The following EZH2 variants were observed in gnomAD, a reference collection of about 807,000 sequenced individuals.
EZH2 encodes the protein enhancer of zeste 2 polycomb repressive complex 2 subunit.
In EZH2, 18 loss-of-function variants were observed where a neutral mutation model predicts 98.4. That is an observed-to-expected ratio of 0.18 (90% CI 0.13 to 0.27). The LOEUF (loss-of-function observed/expected upper bound fraction) is 0.27. Ranked by LOEUF, EZH2 falls within the 10% of genes least tolerant of loss-of-function variation. The pLI, the probability that EZH2 is intolerant of heterozygous loss-of-function variation, is 1.00. For synonymous variants in EZH2, 338 were observed against 312.3 expected (o/e 1.08, Z -0.87); for missense variants, 470 against 935.1 (o/e 0.50, Z 6.49).
At chr7:148,811,529 C>T in intron 16 of EZH2, 96 bp downstream of exon 16, 1 of 964,880 alleles carries the variant, frequency 1.0e-6, no homozygotes, top group Non-Finnish European at 1.5e-6. Context: ...AATTCATTTC[C>T]AATCAAACCC....
chr7:148,877,110 G>A (rs902209459), intron 1 of EZH2, among the ~76,000 whole-genome samples: 4 of 151,966 alleles, frequency 2.6e-5, no homozygotes, highest in African/African-American at 7.3e-5. Context: ...AAAAAGCCAT[G>A]TTAGAACCAA....
intron 8 of EZH2, among the ~76,000 whole-genome samples, chr7:148,821,592 A>G (rs1355332917): frequency 6.6e-6 from 1 of 152,190 alleles, no homozygotes; most frequent in Non-Finnish European, 1.5e-5. Context: ...TGGGAGCCCA[A>G]AGTAGGAGCA....
chr7:148,865,169 A>G (rs1055883260), intron 1 of EZH2, among the ~76,000 whole-genome samples: 5 of 152,078 alleles, frequency 3.3e-5, no homozygotes, highest in Non-Finnish European at 5.9e-5. Context: ...GCTATGATAC[A>G]AAATTCATTA....
At chr7:148,832,775 C>T (rs757653087) in intron 3 of EZH2, 25 bp from the exon 4 acceptor site, 2 of 1,437,112 alleles carry the variant, frequency 1.4e-6, no homozygotes, top group South Asian at 2.3e-5. Flanking sequence ...ATAAAATTGA[C>T]TCTTAAGAAT....
intron 3 of EZH2, 67 bp from the exon 4 acceptor site, chr7:148,832,817 T>C (rs1809761028): frequency 1.0e-6 from 1 of 976,608 alleles, no homozygotes; most frequent in Admixed American, 2.2e-5. Context: ...AGCCATCATA[T>C]TGTAAAGAGA....
intron 16 of EZH2, among the ~76,000 whole-genome samples, chr7:148,810,877 C>T (rs1277205624): frequency 2.2e-4 from 20 of 90,438 alleles, no homozygotes; most frequent in Admixed American, 7.2e-4. Flanking sequence ...GCCTGGGCAA[C>T]AAGAGCGAAA....
intron 12 of EZH2, 96 bp downstream of exon 12, chr7:148,816,588 T>C (rs1374650389): frequency 8.4e-6 from 7 of 833,856 alleles, no homozygotes; most frequent in East Asian, 2.5e-5. Flanking sequence ...TTTTTAAAAA[T>C]AGACTAAGTA....
At chr7:148,853,987 A>C (rs780122852) in intron 1 of EZH2, among the ~76,000 whole-genome samples, 12 of 152,244 alleles carry the variant, frequency 7.9e-5, no homozygotes, top group Admixed American at 7.2e-4. Context: ...GCCAGGCCAC[A>C]CAAGTCCAAG....
intron 1 of EZH2, among the ~76,000 whole-genome samples, chr7:148,848,224 G>A (rs1814693620): frequency 6.6e-6 from 1 of 152,166 alleles, no homozygotes; most frequent in Non-Finnish European, 1.5e-5. Context: ...CACTTTTAGT[G>A]TTTTAAGTAA....
chr7:148,815,184 G>C, intron 13 of EZH2, 145 bp from the exon 14 acceptor site: 2 of 1,128,806 alleles, frequency 1.8e-6, no homozygotes, highest in South Asian at 1.7e-5. Flanking sequence ...CACATATTCC[G>C]GTTTCCACAA....
rs1476116287 is a variant in EZH2, at chr7:148,823,269, G to T, written c.907+3185C>A. Among the ~76,000 whole-genome samples, 3 of 152,288 alleles carry T rather than the reference G, an allele frequency of 2.0e-5. No individual in the cohort carries two copies. In the East Asian group the frequency reaches 5.8e-4, roughly 29 times the overall value. ...GAGTTTATCAGGTAAACTTAAACTT[G>T]CATGAAATGGGTACAGATATTTGCT... is the stretch of plus-strand genomic sequence containing the variant. On this transcript the variant is annotated intron_variant, in intron 8 of 19. Transcript: ENST00000320356.
chr7:148,869,729 C>T (rs1482562461), intron 1 of EZH2, among the ~76,000 whole-genome samples: 2 of 152,228 alleles, frequency 1.3e-5, no homozygotes, highest in African/African-American at 2.4e-5. Context: ...GACATCCTCT[C>T]TGCAGGCACA....
chr7:148,869,251 A>G (rs759518356), intron 1 of EZH2, among the ~76,000 whole-genome samples: 1 of 152,086 alleles, frequency 6.6e-6, no homozygotes, highest in Non-Finnish European at 1.5e-5. Flanking sequence ...CAAACTCTCC[A>G]AAGAAATAGT....
chr7:148,847,363 CTG>C (rs1169006354), intron 1 of EZH2, 58 bp from the exon 2 acceptor site: 2 of 1,595,400 alleles, frequency 1.3e-6, no homozygotes. Context: ...ATATGATCAC[CTG>C]TGTTTTAATC....
At chr7:148,883,570 G>T (rs969747359) in intron 1 of EZH2, 2 of 150,032 alleles carry the variant, frequency 1.3e-5, no homozygotes, top group African/African-American at 4.9e-5. Context: ...CGTGCGCGAG[G>T]CGAGGGCCGA....
At position 148,866,574 on chromosome 7, in the gene EZH2, G is replaced by A. The variant is rs530298978; in HGVS notation, c.-8+17590C>T. The stretch of plus-strand genomic sequence containing the variant: ...TATATACATATATACATATATATAC[G>A]TATATACATATATTGTATACACTAT... On this transcript the variant is annotated intron_variant, in intron 1 of 19. Transcript: ENST00000320356. Among the ~76,000 whole-genome samples the A allele has an allele frequency of 1.1e-4, 15 of 139,568 alleles. No individual in the cohort carries two copies. In the South Asian group the frequency reaches 2.0e-3, roughly 19 times the overall value. 91.6% of individuals were successfully genotyped at this position (139,568 alleles called of 152,430 possible). A position where few individuals can be genotyped will look rare whatever the true frequency, so the allele number is the denominator to read the frequency against.
chr7:148,882,746 CTAATAA>C (rs1382200963), intron 1 of EZH2, among the ~76,000 whole-genome samples: 1 of 151,908 alleles, frequency 6.6e-6, no homozygotes, highest in Non-Finnish European at 1.5e-5. Context: ...CAAAATTAAA[CTAATAA>C]TAACTTGCTT....
chr7:148,820,976 A>G (rs1260828647), intron 8 of EZH2: 1 of 152,184 alleles, frequency 6.6e-6, no homozygotes, highest in Non-Finnish European at 1.5e-5. Context: ...TAATTTTTAA[A>G]CTGTACTGAA....
Position 148,866,565 on chromosome 7 carries a change from T to C in EZH2, c.-8+17599A>G, listed in dbSNP as rs978022463. Among the ~76,000 whole-genome samples, 13 of 143,204 alleles carry C rather than the reference T, an allele frequency of 9.1e-5. No individual in the cohort carries two copies. The East Asian group carries it at 1.4e-3, about 15-fold the overall frequency. 93.9% of individuals were successfully genotyped at this position (143,204 alleles called of 152,430 possible). On this transcript the variant is annotated intron_variant, in intron 1 of 19. Transcript: ENST00000320356. ...ATATACATATATATACATATATACATATATATACGTATATACATATATTGT... is the reference window on the plus strand; with the variant it reads ...ATATACATATATATACATATATACACATATATACGTATATACATATATTGT...
Sources: gnomAD v4.1 joint callset for allele counts (sites outside exome capture counted in the v4.1 genomes callset) on GRCh38, gnomAD v4.1.1 for gene constraint, MANE v1.5 for transcripts, NCBI Gene and HGNC (gene_info 2026-07-23, HGNC 2026-07-21) for gene names.